Variants in ELP4 observed in about 807,000 individuals in gnomAD.
The protein encoded by ELP4 is elongator acetyltransferase complex subunit 4.
A neutral mutation model predicts 48.9 loss-of-function variants in ELP4; 51 were observed. That is an observed-to-expected ratio of 1.04 (90% CI 0.83 to 1.32). ELP4 has a LOEUF of 1.32. Among genes scored for constraint, ELP4 ranks in the 40% most tolerant of loss-of-function variants. ELP4 has a pLI of 0.00. For missense variants in ELP4, 519 were observed against 514.6 expected, an observed-to-expected ratio of 1.01 and a Z score of -0.08; for synonymous variants, 210 against 189.2, an observed-to-expected ratio of 1.11 and a Z score of -0.90.
chr11:31,537,267 C>CA (rs1956516120), intron 2 of ELP4, among the ~76,000 whole-genome samples: 1 of 152,094 alleles, frequency 6.6e-6, no homozygotes, highest in Admixed American at 6.6e-5. Flanking sequence ...ATTGCAGGAC[C>CA]ATTTGTTACA....
intron 3 of ELP4, among the ~76,000 whole-genome samples, chr11:31,545,733 A>T (rs184321951): frequency 1.3e-5 from 2 of 152,270 alleles, no homozygotes; most frequent in Non-Finnish European, 2.9e-5. Flanking sequence ...GCAGCCAGAG[A>T]GAAAGGTCGG....
chr11:31,606,359 AT>A (rs1241523905), intron 5 of ELP4, among the ~76,000 whole-genome samples: 1 of 152,130 alleles, frequency 6.6e-6, no homozygotes, highest in African/African-American at 2.4e-5. Flanking sequence ...CCTTACAGTT[AT>A]CTATACTTTT....
At chr11:31,619,660 ATTG>A (rs1944574136) in intron 5 of ELP4, among the ~76,000 whole-genome samples, 1 of 132,898 alleles carries the variant, frequency 7.5e-6, no homozygotes, top group Non-Finnish European at 1.6e-5. Context: ...TCTGTTTTTT[ATTG>A]TTTTTTTTTT....
intron 2 of ELP4, among the ~76,000 whole-genome samples, chr11:31,537,328 T>A (rs1956517088): frequency 6.6e-6 from 1 of 152,246 alleles, no homozygotes; most frequent in African/African-American, 2.4e-5. Flanking sequence ...TGGATTTATT[T>A]CTGGACTCTA....
At chr11:31,631,112 A>G (rs1448894348) in intron 6 of ELP4, among the ~76,000 whole-genome samples, 3 of 152,100 alleles carry the variant, frequency 2.0e-5, no homozygotes, top group East Asian at 3.9e-4. Context: ...TCAGTGTTGT[A>G]TTCATTTTTC....
intron 3 of ELP4, among the ~76,000 whole-genome samples, chr11:31,542,411 A>G (rs982373582): frequency 1.3e-5 from 2 of 152,192 alleles, no homozygotes; most frequent in African/African-American, 2.4e-5. Flanking sequence ...GCTCACCTGT[A>G]CTTGTACACG....
intron 3 of ELP4, among the ~76,000 whole-genome samples, chr11:31,573,337 A>T: frequency 6.6e-6 from 1 of 151,944 alleles, no homozygotes. Context: ...ACTTCCACAC[A>T]TTTAGGTATT....
At chr11:31,593,986 T>G (rs4922867) in intron 3 of ELP4, among the ~76,000 whole-genome samples, 92,471 of 151,620 alleles carry the variant, frequency 0.61, 31,731 homozygotes, top group Non-Finnish European at 0.76. Flanking sequence ...ATATATAACA[T>G]AGCACACGTT....
intron 9 of ELP4, among the ~76,000 whole-genome samples, chr11:31,742,683 T>C (rs1038752314): frequency 6.6e-5 from 10 of 152,126 alleles, no homozygotes; most frequent in Non-Finnish European, 8.8e-5. Context: ...TAAAATACTT[T>C]ACAAACAAAC....
chr11:31,527,053 C>T (rs1021934931), intron 2 of ELP4, among the ~76,000 whole-genome samples: 5 of 152,008 alleles, frequency 3.3e-5, no homozygotes, highest in African/African-American at 1.2e-4. Flanking sequence ...GACTTTCTCA[C>T]TGCTAAACCT....
intron 1 of ELP4, among the ~76,000 whole-genome samples, chr11:31,516,895 T>C (rs1262204023): frequency 5.3e-5 from 8 of 152,208 alleles, no homozygotes; most frequent in African/African-American, 1.7e-4. Flanking sequence ...CTTTAAATGC[T>C]ATATGAAGGA....
intron 9 of ELP4, among the ~76,000 whole-genome samples, chr11:31,761,294 CACG>C (rs1174309579): frequency 1.3e-5 from 2 of 150,562 alleles, no homozygotes; most frequent in African/African-American, 2.5e-5. Flanking sequence ...GCCATGATTG[CACG>C]ACTACACTCC....
chr11:31,787,113 G>A lies in ELP4; in HGVS notation c.*3589G>A, dbSNP rs532518402. 2.2e-5 allele frequency: 5 copies of A among 232,288 alleles called. No homozygotes were observed. Among genetic ancestry groups the A allele is most frequent in the African/African-American group, 1.1e-4 (5 of 45,386 alleles). The allele number at this position is 232,288 out of a possible 1,614,324, so 14.4% of individuals were successfully genotyped here. A position where few individuals can be genotyped will look rare whatever the true frequency, so the allele number is the denominator to read the frequency against. On this transcript the variant is annotated 3_prime_UTR_variant, in exon 10 of 10. Transcript: ENST00000640961. The stretch of plus-strand genomic sequence containing the variant: ...ACAGAGCCTGCCATGCTGTCCCCAA[G>A]AGAGTGCCTGGAGCTCTGTTTGGAA...
chr11:31,784,379 T>C lies in ELP4; in HGVS notation c.*855T>C, dbSNP rs1307040664. 2 of 152,166 alleles carry C rather than the reference T, an allele frequency of 1.3e-5. No individual in the cohort carries two copies. Among genetic ancestry groups the C allele is most frequent in the African/African-American group, 4.8e-5 (2 of 41,458 alleles). 9.4% of individuals were successfully genotyped at this position (152,166 alleles called of 1,614,324 possible). On this transcript the variant is annotated 3_prime_UTR_variant, in exon 10 of 10. Transcript: ENST00000640961. ...GTTAATAATGAACATTGGTTGAGTG[T>C]GTAAATTTCTAACCATGTAAACATG...
chr11:31,680,983 A>T (rs1946040021), intron 9 of ELP4, among the ~76,000 whole-genome samples: 1 of 152,230 alleles, frequency 6.6e-6, no homozygotes, highest in African/African-American at 2.4e-5. Flanking sequence ...AAAAAAAGAT[A>T]AAGTGTGATC....
chr11:31,745,520 A>C (rs945744077), intron 9 of ELP4, among the ~76,000 whole-genome samples: 6 of 152,368 alleles, frequency 3.9e-5, no homozygotes, highest in Non-Finnish European at 7.3e-5. Flanking sequence ...CCAAAACAGC[A>C]TGGTACTGGT....
rs533563983 is a variant in ELP4 at position 31,690,408 on chromosome 11, C to T, written c.1143+40187C>T. Among the ~76,000 whole-genome samples the T allele has an allele frequency of 3.9e-5, 6 of 151,988 alleles. No homozygotes were observed. The South Asian group carries it at 1.2e-3, about 32-fold the overall frequency. On this transcript the variant is annotated intron_variant, in intron 9 of 9. Transcript: ENST00000640961. ...ATAAGGTTTGGTCACTGACCAAATA[C>T]CCCTTCTTTTTCCTAAAAAAAAATA...
At chr11:31,772,717 G>A (rs752195831) in intron 9 of ELP4, among the ~76,000 whole-genome samples, 1 of 152,112 alleles carries the variant, frequency 6.6e-6, no homozygotes, top group Non-Finnish European at 1.5e-5. Context: ...CTAACAGCAA[G>A]GGAAGTTTGA....
At chr11:31,636,720 G>A (rs1002813972) in intron 7 of ELP4, among the ~76,000 whole-genome samples, 3 of 151,884 alleles carry the variant, frequency 2.0e-5, no homozygotes, top group African/African-American at 4.8e-5. Flanking sequence ...TTTATGTTCA[G>A]TCCCACAACT....
Sources: allele counts gnomAD v4.1 joint callset (sites outside exome capture counted in the v4.1 genomes callset), GRCh38; gene constraint gnomAD v4.1.1; transcripts MANE v1.5; gene names NCBI Gene and HGNC (gene_info 2026-07-23, HGNC 2026-07-21).